The following NUFIP1 variants were observed in gnomAD, a reference collection of about 807,000 sequenced individuals.
NUFIP1 encodes the protein FMR1-interacting protein NUFIP1.
In NUFIP1, 38 loss-of-function variants were observed where a neutral mutation model predicts 56.2. That is an observed-to-expected ratio of 0.68 (90% CI 0.52 to 0.89). The LOEUF is 0.89. NUFIP1 is among the 40% of genes least tolerant of loss of function. The pLI is 0.00. For synonymous variants in NUFIP1, 215 were observed against 212.4 expected (o/e 1.01, Z -0.10); for missense variants, 567 against 605.8 (o/e 0.94, Z 0.67).
At chr13:44,984,731 T>C (rs1166923272) in intron 1 of NUFIP1, among the ~76,000 whole-genome samples, 1 of 152,190 alleles carries the variant, frequency 6.6e-6, no homozygotes, top group Non-Finnish European at 1.5e-5. Context: ...TATTATACTT[T>C]AAGTTTTAGG....
At chr13:44,956,092 C>A (rs1219903527) in intron 7 of NUFIP1, among the ~76,000 whole-genome samples, 2 of 143,428 alleles carry the variant, frequency 1.4e-5, no homozygotes, top group African/African-American at 5.3e-5. Flanking sequence ...TGCAGTGAGC[C>A]GAGATTGCGC....
At chr13:44,968,937 G>A (rs1313441604) in intron 5 of NUFIP1, among the ~76,000 whole-genome samples, 1 of 152,116 alleles carries the variant, frequency 6.6e-6, no homozygotes. Flanking sequence ...AAACTCCTTT[G>A]ATGGAAGCCT....
chr13:44,986,487 C>T (rs1443616061), intron 1 of NUFIP1, among the ~76,000 whole-genome samples: 1 of 151,848 alleles, frequency 6.6e-6, no homozygotes, highest in Non-Finnish European at 1.5e-5. Flanking sequence ...GTCAGGCGAT[C>T]GAGACCATCC....
chr13:44,945,467 C>T (rs749008562), intron 8 of NUFIP1, among the ~76,000 whole-genome samples: 2 of 151,914 alleles, frequency 1.3e-5, no homozygotes, highest in Non-Finnish European at 2.9e-5. Flanking sequence ...TACACAAACC[C>T]TTAAAAAAGA....
intron 8 of NUFIP1, 68 bp downstream of exon 8, chr13:44,949,654 T>C (rs1490223207): frequency 6.9e-6 from 6 of 866,244 alleles, no homozygotes; most frequent in South Asian, 6.8e-5. Flanking sequence ...ATGTTATTAA[T>C]GCGCAGCATG....
chr13:44,979,496 G>C (rs1365791319), intron 4 of NUFIP1, among the ~76,000 whole-genome samples: 1 of 152,174 alleles, frequency 6.6e-6, no homozygotes, highest in Non-Finnish European at 1.5e-5. Context: ...TGATTACAAA[G>C]TAGATATGCC....
chr13:44,943,603 G>C lies in NUFIP1; in HGVS notation c.1210C>G (p.Pro404Ala), dbSNP rs2137889875. ...ACAGTTGCTTTAACATCTTGACTTG[G>C]ACTCTTAGGAGCACTGCTATCAAGA... ...QVLDSSAPKS[P>A]SQDVKATVRN... Residue 404 changes from proline (P) to alanine (A), a missense_variant, in exon 9 of 10, where the codon CCA becomes GCA. By Grantham distance (27) the Pro-to-Ala change is conservative. Transcript: ENST00000379161. 1 of 1,613,978 alleles carries C rather than the reference G, an allele frequency of 6.2e-7. No individual in the cohort carries two copies. Among genetic ancestry groups the C allele is most frequent in the East Asian group, 2.2e-5 (1 of 44,876 alleles).
chr13:44,955,953 C>G (rs1372808295), intron 7 of NUFIP1, among the ~76,000 whole-genome samples: 2 of 151,692 alleles, frequency 1.3e-5, no homozygotes, highest in Non-Finnish European at 2.9e-5. Flanking sequence ...ACCATCCTGG[C>G]TAACACGGTG....
At chr13:44,951,768 T>C (rs1025983663) in intron 7 of NUFIP1, among the ~76,000 whole-genome samples, 1 of 152,238 alleles carries the variant, frequency 6.6e-6, no homozygotes, top group Non-Finnish European at 1.5e-5. Flanking sequence ...CACTATACTG[T>C]AGCATATGAA....
chr13:44,955,297 T>A (rs970673030), intron 7 of NUFIP1, among the ~76,000 whole-genome samples: 11 of 152,300 alleles, frequency 7.2e-5, no homozygotes, highest in African/African-American at 2.4e-4. Flanking sequence ...TAAAAGGCTT[T>A]CCCATCAAAA....
At chr13:44,956,877 C>T (rs770365470) in intron 7 of NUFIP1, among the ~76,000 whole-genome samples, 1 of 152,062 alleles carries the variant, frequency 6.6e-6, no homozygotes, top group Admixed American at 6.6e-5. Flanking sequence ...GGGTTAAGAA[C>T]CCCTGGTCTA....
At chr13:44,943,375 CA>C (rs1870810341) in intron 9 of NUFIP1, 66 bp downstream of exon 9, 84 of 1,319,466 alleles carry the variant, frequency 6.4e-5, no homozygotes, top group Non-Finnish European at 8.2e-5. Flanking sequence ...CACACACACA[CA>C]CCCCAGTGGC....
chr13:44,989,060 C>G lies in NUFIP1; in HGVS notation c.377G>C (p.Arg126Thr). ...GAAGGACTTCTGATGCCGAGGAAAC[C>G]TATCAGAAGACTGTCTCCAATACCA... Reference protein sequence around the residue: ...TSWYWRQSSDRFPRHQKSFNP... With the variant: ...TSWYWRQSSDTFPRHQKSFNP... The change falls in exon 1 of 10, where the codon AGG becomes ACG. Residue 126 changes from arginine to threonine, a missense_variant. Arg to Thr is a moderately conservative substitution (Grantham distance 71, BLOSUM62 -1). Coordinates refer to ENST00000379161, the MANE Select transcript of NUFIP1 (RefSeq NM_012345.3). The G allele has an allele frequency of 6.2e-7, 1 of 1,614,114 alleles. No homozygotes were observed. The highest frequency in any genetic ancestry group is 8.5e-7 in the Non-Finnish European group (1 of 1,180,000).
Position 44,941,307 on chromosome 13 carries a change from T to C in NUFIP1, c.1387A>G (p.Ile463Val), listed in dbSNP as rs1870727452. Residue 463 changes from isoleucine (I) to valine (V), a missense_variant, in exon 10 of 10, where the codon ATT becomes GTT. Ile to Val is a conservative substitution (Grantham distance 29, BLOSUM62 3). Coordinates refer to ENST00000379161, the MANE Select transcript of NUFIP1 (RefSeq NM_012345.3). ...YLLEMLLAPD[I>V]RHERNVILQC... ...AAAATCACATTTCTTTCATGTCGAA[T>C]GTCCGGAGCTAGAAGCTAAAACACA... 1.9e-6 allele frequency: 3 copies of C among 1,604,160 alleles called. No homozygotes were observed. Among genetic ancestry groups the C allele is most frequent in the Admixed American group, 1.7e-5 (1 of 57,522 alleles).
chr13:44,954,299 G>C (rs1414927037), intron 7 of NUFIP1, among the ~76,000 whole-genome samples: 2 of 152,138 alleles, frequency 1.3e-5, no homozygotes, highest in Non-Finnish European at 2.9e-5. Context: ...ACTTTTCTTA[G>C]GGTAAATCTC....
At chr13:44,954,173 C>T (rs561373507) in intron 7 of NUFIP1, among the ~76,000 whole-genome samples, 1 of 152,252 alleles carries the variant, frequency 6.6e-6, no homozygotes, top group African/African-American at 2.4e-5. Flanking sequence ...AAACATCTTT[C>T]TAAACTGAAA....
intron 9 of NUFIP1, 92 bp downstream of exon 9, chr13:44,943,350 A>AC (rs1870806678): frequency 7.3e-6 from 8 of 1,102,490 alleles, no homozygotes; most frequent in African/African-American, 6.7e-5. Flanking sequence ...ACCTTAAAAC[A>AC]AACACACACA....
Position 44,954,471 on chromosome 13 carries a change from G to A in NUFIP1, c.1022-4633C>T, listed in dbSNP as rs987001258. 5.3e-5 allele frequency among the ~76,000 whole-genome samples: 8 copies of A among 152,068 alleles called. No homozygotes were observed. The South Asian group carries it at 6.2e-4, about 12-fold the overall frequency. Reference sequence around the variant, plus strand: ...GATTACAGTGCTGGGTAAGCCAAACGCAGGACCTTATAAATCCCCACTGAA... The same window carrying A: ...GATTACAGTGCTGGGTAAGCCAAACACAGGACCTTATAAATCCCCACTGAA... On this transcript the variant is annotated intron_variant, in intron 7 of 9. Transcript: ENST00000379161.
rs758219340 is a variant in NUFIP1 at position 44,943,593 on chromosome 13, T to C, written c.1220A>G (p.Asp407Gly). 1.9e-6 allele frequency: 3 copies of C among 1,614,184 alleles called. No individual in the cohort carries two copies. Among genetic ancestry groups the C allele is most frequent in the East Asian group, 2.2e-5 (1 of 44,874 alleles). Residue 407 changes from aspartate (D) to glycine (G), a missense_variant, in exon 9 of 10, where the codon GAT becomes GGT. Physicochemically the swap from Asp to Gly is moderately conservative, Grantham distance 94. Transcript: ENST00000379161. ...AAAATTTCTAACAGTTGCTTTAACA[T>C]CTTGACTTGGACTCTTAGGAGCACT... Reference protein sequence around the residue: ...DSSAPKSPSQDVKATVRNFSE... With the variant: ...DSSAPKSPSQGVKATVRNFSE...
Sources: allele counts gnomAD v4.1 joint callset (sites outside exome capture counted in the v4.1 genomes callset), GRCh38; gene constraint gnomAD v4.1.1; transcripts MANE v1.5; gene names NCBI Gene and HGNC (gene_info 2026-07-23, HGNC 2026-07-21).